Variants in PCDH15 observed in about 807,000 individuals in gnomAD.
The protein encoded by PCDH15 is protocadherin related 15.
Under a neutral mutation model 178.5 loss-of-function variants are expected in PCDH15, and 129 were observed. That is an observed-to-expected ratio of 0.72 (90% confidence interval 0.63 to 0.84). The LOEUF (loss-of-function observed/expected upper bound fraction) is 0.84. PCDH15 is among the 40% of genes least tolerant of loss of function. PCDH15 has a pLI of 0.00. For synonymous variants in PCDH15, 800 were observed against 732.0 expected (o/e 1.09, Z -1.50); for missense variants, 2,230 against 2,099.9 (o/e 1.06, Z -1.21).
intron 2 of PCDH15, among the ~76,000 whole-genome samples, chr10:55,572,015 A>G (rs1842415018): frequency 6.6e-6 from 1 of 151,616 alleles, no homozygotes; most frequent in South Asian, 2.1e-4. Context: ...TATCATTTTA[A>G]TTGTTTTCAA....
At chr10:54,787,021 C>A (rs1023643026) in intron 1 of PCDH15, among the ~76,000 whole-genome samples, 1 of 151,618 alleles carries the variant, frequency 6.6e-6, no homozygotes, top group Admixed American at 6.6e-5. Flanking sequence ...AGAAGATTAT[C>A]CTACAAAGTC....
intron 2 of PCDH15, among the ~76,000 whole-genome samples, chr10:55,053,460 A>G (rs1028974725): frequency 1.3e-5 from 2 of 152,184 alleles, no homozygotes; most frequent in African/African-American, 2.4e-5. Flanking sequence ...AAAATATTTG[A>G]CTTCAACATT....
intron 2 of PCDH15, among the ~76,000 whole-genome samples, chr10:55,499,303 T>G (rs986088284): frequency 1.3e-5 from 2 of 151,546 alleles, no homozygotes; most frequent in Non-Finnish European, 2.9e-5. Context: ...TTCATAGGAT[T>G]TGAGAAAAAT....
intron 25 of PCDH15, 122 bp downstream of exon 25, chr10:53,938,693 G>T: frequency 9.5e-7 from 1 of 1,051,568 alleles, no homozygotes; most frequent in Non-Finnish European, 1.4e-6. Context: ...AATCATCTCA[G>T]AGTATTAATG....
intron 3 of PCDH15, among the ~76,000 whole-genome samples, chr10:54,896,675 T>G (rs1252347430): frequency 6.6e-6 from 1 of 152,146 alleles, no homozygotes; most frequent in Non-Finnish European, 1.5e-5. Flanking sequence ...ATTTTAATAT[T>G]TCTGCACTTT....
At chr10:54,616,821 A>G (rs901996227) in intron 2 of PCDH15, among the ~76,000 whole-genome samples, 2 of 152,036 alleles carry the variant, frequency 1.3e-5, no homozygotes, top group African/African-American at 2.4e-5. Context: ...ATTGCATTAT[A>G]TATTCTTCCT....
intron 3 of PCDH15, among the ~76,000 whole-genome samples, chr10:54,886,724 C>T (rs563997894): frequency 6.6e-6 from 1 of 152,192 alleles, no homozygotes; most frequent in Non-Finnish European, 1.5e-5. Flanking sequence ...AAGGCGCCAG[C>T]CTAGGCGACA....
chr10:54,535,751 G>A (rs1314928761), intron 2 of PCDH15, among the ~76,000 whole-genome samples: 2 of 149,246 alleles, frequency 1.3e-5, no homozygotes, highest in African/African-American at 4.9e-5. Flanking sequence ...TAAGGTTCTA[G>A]GGGCTTTAGG....
chr10:54,107,837 A>T (rs775672212), intron 15 of PCDH15, among the ~76,000 whole-genome samples: 1 of 152,186 alleles, frequency 6.6e-6, no homozygotes, highest in Non-Finnish European at 1.5e-5. Flanking sequence ...GCATGGGGTC[A>T]TCAAACCCAA....
intron 26 of PCDH15, among the ~76,000 whole-genome samples, chr10:53,896,738 C>T (rs11003921): frequency 0.023 from 3,547 of 152,186 alleles, 113 homozygotes; most frequent in East Asian, 0.13. Flanking sequence ...TCAGTGGCAG[C>T]ATCAGGTTCT....
chr10:55,249,898 A>G (rs1349577000), intron 1 of PCDH15, among the ~76,000 whole-genome samples: 4 of 152,034 alleles, frequency 2.6e-5, no homozygotes, highest in African/African-American at 4.8e-5. Context: ...AGAAAATTTC[A>G]GTTTATATTT....
rs1565229789 is a variant in PCDH15 at position 54,421,689 on chromosome 10, TATATAC to T, written c.158-42753_158-42748del. Reference sequence around the variant, plus strand: ...ATATATACATATATATATATATATATATATACACACACACACACACACTATATATAT... The same window carrying T: ...ATATATACATATATATATATATATATACACACACACACACACTATATATAT... On this transcript the variant is annotated intron_variant, in intron 3 of 37. Transcript: ENST00000644397. Among the ~76,000 whole-genome samples, 30 of 104,794 alleles carry T rather than the reference TATATAC, an allele frequency of 2.9e-4. 1 individual carries two copies. The highest frequency in any genetic ancestry group is 1.3e-3 in the African/African-American group (30 of 23,482). The allele number at this position is 104,794 out of a possible 152,430, so 68.7% of individuals were successfully genotyped here.
intron 2 of PCDH15, among the ~76,000 whole-genome samples, chr10:55,158,060 A>ATGTGTGTG (rs769091362): frequency 0.048 from 6,301 of 131,872 alleles, 209 homozygotes; most frequent in East Asian, 0.082. Flanking sequence ...AATCACACAA[A>ATGTGTGTG]TATGTGTGTA....
At chr10:55,164,851 T>A (rs1473448240) in intron 2 of PCDH15, among the ~76,000 whole-genome samples, 2 of 152,140 alleles carry the variant, frequency 1.3e-5, no homozygotes, top group African/African-American at 4.8e-5. Flanking sequence ...ATTGAAAAGG[T>A]GTACGTGTAG....
chr10:54,974,084 GACACACACACACATACAGAC>G (rs1839006429), intron 2 of PCDH15, among the ~76,000 whole-genome samples: 1 of 129,300 alleles, frequency 7.7e-6, no homozygotes, highest in African/African-American at 3.0e-5. Flanking sequence ...CACACACACA[GACACACACACACATACAGAC>G]ACACACACAC....
chr10:54,566,462 T>C lies in PCDH15; in HGVS notation c.92-38585A>G, dbSNP rs2089048906. 2.6e-5 allele frequency among the ~76,000 whole-genome samples: 4 copies of C among 152,176 alleles called. No homozygotes were observed. The South Asian group carries it at 6.2e-4, about 24-fold the overall frequency. ...TAGTATCATACAGACTTATTTTCACTGACCAAAAAATCCTCTGTTCTCTGC... is the reference window on the plus strand; with the variant it reads ...TAGTATCATACAGACTTATTTTCACCGACCAAAAAATCCTCTGTTCTCTGC... On this transcript the variant is annotated intron_variant, in intron 2 of 37. Coordinates refer to ENST00000644397, the MANE Select transcript of PCDH15 (RefSeq NM_001384140.1).
intron 2 of PCDH15, among the ~76,000 whole-genome samples, chr10:55,442,484 T>TATATATATA (rs57195980): frequency 0.015 from 1,895 of 122,866 alleles, 108 homozygotes; most frequent in East Asian, 0.15. Context: ...ATATATATTA[T>TATATATATA]ATATATATAT....
chr10:55,272,068 T>C (rs1842458779), intron 1 of PCDH15, among the ~76,000 whole-genome samples: 1 of 152,022 alleles, frequency 6.6e-6, no homozygotes, highest in Non-Finnish European at 1.5e-5. Context: ...GAAATAAATA[T>C]ACCTATGTGT....
chr10:55,507,753 A>T (rs987512755), intron 2 of PCDH15, among the ~76,000 whole-genome samples: 1 of 151,558 alleles, frequency 6.6e-6, no homozygotes, highest in Non-Finnish European at 1.5e-5. Context: ...GGGTCCACAA[A>T]TATCTAAATA....
Sources: allele counts gnomAD v4.1 joint callset (sites outside exome capture counted in the v4.1 genomes callset), GRCh38; gene constraint gnomAD v4.1.1; transcripts MANE v1.5; gene names NCBI Gene and HGNC (gene_info 2026-07-23, HGNC 2026-07-21).